DIO2: variants seen among roughly 807,000 people sequenced by gnomAD.
DIO2 encodes the protein type II iodothyronine deiodinase.
DIO2 carries 19 observed loss-of-function variants against 21.4 expected under a neutral mutation model. That is an observed-to-expected ratio of 0.89 (90% confidence interval 0.62 to 1.30). The LOEUF is 1.30. Among genes scored for constraint, DIO2 ranks in the 50% most tolerant of loss-of-function variants. DIO2 has a pLI of 0.00. For missense variants in DIO2, 302 were observed against 338.1 expected, an observed-to-expected ratio of 0.89 and a Z score of 0.84; for synonymous variants, 122 against 132.9, an observed-to-expected ratio of 0.92 and a Z score of 0.57.
Position 80,230,687 on chromosome 14 carries a change from T to C in DIO2, c.-277-13950A>G, listed in dbSNP as rs533729315. Among the ~76,000 whole-genome samples the C allele has an allele frequency of 1.1e-3, 173 of 152,336 alleles. 1 individual carries two copies. Among genetic ancestry groups the C allele is most frequent in the African/African-American group, 4.1e-3 (169 of 41,586 alleles). On this transcript the variant is annotated intron_variant, in intron 2 of 4. Transcript: ENST00000553594. ...AACAGTTCATGTCAAGAGCTATCAC[T>C]GTTCTTCACACTATTAGAATTAGAG...
chr14:80,221,891 C>A (rs961887306), intron 2 of DIO2, among the ~76,000 whole-genome samples: 1 of 152,218 alleles, frequency 6.6e-6, no homozygotes, highest in Admixed American at 6.5e-5. Context: ...GTAATAATCT[C>A]TTTCATCAGT....
chr14:80,202,563 C>G lies in DIO2; in HGVS notation c.*126G>C. 1 of 1,016,442 alleles carries G rather than the reference C, an allele frequency of 9.8e-7. No homozygotes were observed. The highest frequency in any genetic ancestry group is 1.4e-6 in the Non-Finnish European group (1 of 708,892). 63.0% of individuals were successfully genotyped at this position (1,016,442 alleles called of 1,614,324 possible). Reference sequence around the variant, plus strand: ...TATGGAGCTGTTAGAGATTCATGTTCTTCCGATAGATAAACTCCTGTCTTT... The same window carrying G: ...TATGGAGCTGTTAGAGATTCATGTTGTTCCGATAGATAAACTCCTGTCTTT... On this transcript the variant is annotated 3_prime_UTR_variant, in exon 2 of 2. Transcript: ENST00000438257.
chr14:80,218,226 TAAAC>T (rs773287775), intron 2 of DIO2, among the ~76,000 whole-genome samples: 94 of 145,810 alleles, frequency 6.4e-4, no homozygotes, highest in Admixed American at 1.1e-3. Context: ...CACACACACA[TAAAC>T]AAACAAACAA....
At chr14:80,206,608 C>A (rs536260409) in intron 1 of DIO2, among the ~76,000 whole-genome samples, 70 of 152,154 alleles carry the variant, frequency 4.6e-4, no homozygotes, top group African/African-American at 1.6e-3. Flanking sequence ...GACACAGAGC[C>A]AAAATGATGA....
rs554957175 is a variant in DIO2 at position 80,210,143 on chromosome 14, C to A, written c.222+1108G>T. On this transcript the variant is annotated intron_variant, in intron 1 of 1. Transcript: ENST00000438257. ...GGTCCCACAACACTTTTAGGGAAACCAAGATTGTCTATTTTGATAACTACT... is the reference window on the plus strand; with the variant it reads ...GGTCCCACAACACTTTTAGGGAAACAAAGATTGTCTATTTTGATAACTACT... Among the ~76,000 whole-genome samples, 38 of 152,200 alleles carry A rather than the reference C, an allele frequency of 2.5e-4. No individual in the cohort carries two copies. The South Asian group carries it at 7.7e-3, about 31-fold the overall frequency.
chr14:80,204,590 A>T (rs1229329812), intron 1 of DIO2, among the ~76,000 whole-genome samples: 2 of 152,228 alleles, frequency 1.3e-5, no homozygotes, highest in Non-Finnish European at 2.9e-5. Flanking sequence ...CAATAACATT[A>T]GGGACAATTT....
At chr14:80,207,353 C>T (rs1480807655) in intron 1 of DIO2, among the ~76,000 whole-genome samples, 2 of 152,158 alleles carry the variant, frequency 1.3e-5, no homozygotes, top group Non-Finnish European at 2.9e-5. Flanking sequence ...GAGAAAAGAA[C>T]CATTCATCAA....
chr14:80,211,163 C>T (rs1373348073), intron 1 of DIO2, 88 bp downstream of exon 1: 10 of 1,290,244 alleles, frequency 7.8e-6, no homozygotes, highest in Non-Finnish European at 1.1e-5. Context: ...ACAGCTCTCC[C>T]CCCAATGCTC....
chr14:80,212,889 G>A (rs747962798), upstream of DIO2, among the ~76,000 whole-genome samples: 12 of 151,016 alleles, frequency 7.9e-5, no homozygotes, highest in Middle Eastern at 0.01. Flanking sequence ...CAGGGAAGGA[G>A]CTAGGCGACA....
intron 1 of DIO2, chr14:80,206,314 TA>T: frequency 6.4e-7 from 1 of 1,564,722 alleles, no homozygotes; most frequent in East Asian, 2.3e-5. Flanking sequence ...CCATCTTTGC[TA>T]AAACCTGATG....
Position 80,203,199 on chromosome 14 carries a change from C to A in DIO2, c.312G>T (p.Glu104Asp). 6.2e-7 allele frequency: 1 copy of A among 1,609,674 alleles called. No homozygotes were observed. The highest frequency in any genetic ancestry group is 8.5e-7 in the Non-Finnish European group (1 of 1,177,946). The change falls in exon 2 of 2, where the codon GAG (glutamate) becomes GAT (aspartate). Residue 104 changes from glutamate to aspartate, a missense_variant. Physicochemically the swap from Glu to Asp is conservative, Grantham distance 45. Transcript: ENST00000438257. ...GGCATGTGGCTCCCTCAGCTATCTT[C>A]TCCTGGGTACCATTGCCACTGTTGT... ...GGDNSGNGTQ[E>D]KIAEGATCHL...
rs567041776 is a variant in DIO2, at chr14:80,201,463, C to T, written c.*1226G>A. 1 of 152,272 alleles carries T rather than the reference C, an allele frequency of 6.6e-6. No individual in the cohort carries two copies. Among genetic ancestry groups the T allele is most frequent in the African/African-American group, 2.4e-5 (1 of 41,554 alleles). 9.4% of individuals were successfully genotyped at this position (152,272 alleles called of 1,614,324 possible). A position where few individuals can be genotyped will look rare whatever the true frequency, so the allele number is the denominator to read the frequency against. ...GAATGGCCATGGTACCTACCTCCCGCAGCAGCTGAGAATATATATACATAT... is the reference window on the plus strand; with the variant it reads ...GAATGGCCATGGTACCTACCTCCCGTAGCAGCTGAGAATATATATACATAT... On this transcript the variant is annotated 3_prime_UTR_variant, in exon 2 of 2. Transcript: ENST00000438257.
chr14:80,211,392 G>A lies in DIO2; in HGVS notation c.81C>T (p.Leu27=), dbSNP rs762568192. 2.5e-5 allele frequency: 40 copies of A among 1,613,620 alleles called. No homozygotes were observed. Among genetic ancestry groups the A allele is most frequent in the Non-Finnish European group, 3.3e-5 (39 of 1,179,842 alleles). Residue 27 remains leucine (L), a synonymous_variant, in exon 1 of 2, where the codon CTC becomes CTT. Coordinates refer to ENST00000438257, the MANE Select transcript of DIO2 (RefSeq NM_013989.5). The stretch of plus-strand genomic sequence containing the variant: ...GCTTGAGCAGAATGACCGAGTCATA[G>A]AGAGCCAGGAAGAGGCAGTTGGAGA... The part of the protein sequence containing the change: ...VFFSNCLFLA[L]YDSVILLKHV...
intron 1 of DIO2, among the ~76,000 whole-genome samples, chr14:80,207,926 G>C (rs1018138802): frequency 7.2e-5 from 11 of 152,156 alleles, no homozygotes; most frequent in African/African-American, 2.7e-4. Flanking sequence ...AGTGTCAAAG[G>C]CTTGAGGTGA....
chr14:80,228,546 A>G (rs1175973153), intron 2 of DIO2, among the ~76,000 whole-genome samples: 8 of 152,158 alleles, frequency 5.3e-5, no homozygotes, highest in East Asian at 1.9e-4. Context: ...AATCTCTGCA[A>G]TCCCTCCAGG....
At chr14:80,213,418 T>C (rs1393032821), upstream of DIO2, among the ~76,000 whole-genome samples, 1 of 152,232 alleles carries the variant, frequency 6.6e-6, no homozygotes. Flanking sequence ...AAAACCTTCA[T>C]GATCACAGAA....
upstream of DIO2, chr14:80,211,985 T>G (rs1004457936): frequency 2.0e-5 from 3 of 150,798 alleles, no homozygotes; most frequent in Non-Finnish European, 4.4e-5. Context: ...CCAGAGTTTT[T>G]TTTTTTTTTA....
In DIO2 at chr14:80,200,770, T is replaced by G. The variant is rs1594871466; in HGVS notation, c.*1919A>C. 2 of 152,316 alleles carry G rather than the reference T, an allele frequency of 1.3e-5. No homozygotes were observed. The highest frequency in any genetic ancestry group is 3.9e-4 in the East Asian group (2 of 5,190). The allele number at this position is 152,316 out of a possible 1,614,324, so 9.4% of individuals were successfully genotyped here. The stretch of plus-strand genomic sequence containing the variant: ...CATGAAAAATCAGTCCCAATGGAGC[T>G]TTAATATTTACACAATATACCAGCT... On this transcript the variant is annotated 3_prime_UTR_variant, in exon 2 of 2. Transcript: ENST00000438257.
Position 80,197,883 on chromosome 14 carries a change from C to A in DIO2, c.*4806G>T, listed in dbSNP as rs1020074788. The stretch of plus-strand genomic sequence containing the variant: ...ATCTCTGTCTCCCTCTTCGGGCGCC[C>A]GATTACTTGGGCTAGTGAGTCTGGT... On this transcript the variant is annotated 3_prime_UTR_variant, in exon 2 of 2. Transcript: ENST00000438257. 6.6e-6 allele frequency: 1 copy of A among 152,618 alleles called. No homozygotes were observed. The highest frequency in any genetic ancestry group is 1.5e-5 in the Non-Finnish European group (1 of 68,056). The allele number at this position is 152,618 out of a possible 1,614,324, so 9.5% of individuals were successfully genotyped here. A position where few individuals can be genotyped will look rare whatever the true frequency, so the allele number is the denominator to read the frequency against.
Sources: allele counts gnomAD v4.1 joint callset (sites outside exome capture counted in the v4.1 genomes callset), GRCh38; gene constraint gnomAD v4.1.1; transcripts MANE v1.5; gene names NCBI Gene and HGNC (gene_info 2026-07-23, HGNC 2026-07-21).